The following IQGAP1 variants were observed in gnomAD, a reference collection of about 807,000 sequenced individuals.
IQGAP1 encodes the protein IQ motif containing GTPase activating protein 1.
IQGAP1 carries 66 observed loss-of-function variants against 215.6 expected under a neutral mutation model. That is an observed-to-expected ratio of 0.31 (90% CI 0.25 to 0.38). IQGAP1 has a LOEUF of 0.38. Among genes scored for constraint, IQGAP1 ranks in the 10% least tolerant of loss-of-function variants. The probability of loss-of-function intolerance (pLI) is 1.00; values close to 1 mark genes in which losing one functional copy is unlikely to be tolerated. For missense variants in IQGAP1, 1,712 were observed against 1,997.1 expected, an observed-to-expected ratio of 0.86 and a Z score of 2.72; for synonymous variants, 772 against 728.7, an observed-to-expected ratio of 1.06 and a Z score of -0.96.
In IQGAP1 at chr15:90,487,042, G is replaced by T; in HGVS notation, c.4113G>T (p.Val1371=). The T allele has an allele frequency of 1.2e-6, 2 of 1,614,128 alleles. No homozygotes were observed. The highest frequency in any genetic ancestry group is 1.7e-6 in the Non-Finnish European group (2 of 1,180,008). Residue 1371 remains valine (V), a synonymous_variant, in exon 32 of 38, where the codon GTG becomes GTT. Transcript: ENST00000268182. ...VSLTLTNKFD[V]PGDENAEMDA... is the part of the protein sequence containing the mutation. The stretch of plus-strand genomic sequence containing the variant: ...TCACCCTGACCAACAAGTTCGACGT[G>T]CCTGGAGATGAGAATGCAGAAATGG...
chr15:90,467,065 C>T (rs1965842940), intron 17 of IQGAP1, among the ~76,000 whole-genome samples: 1 of 151,976 alleles, frequency 6.6e-6, no homozygotes, highest in Admixed American at 6.6e-5. Context: ...GCATTCCAGC[C>T]TGGGCAACAG....
chr15:90,495,438 A>T (rs746985242), intron 36 of IQGAP1, among the ~76,000 whole-genome samples: 1 of 152,168 alleles, frequency 6.6e-6, no homozygotes, highest in Admixed American at 6.5e-5. Flanking sequence ...TTCTAAAATA[A>T]TATGTATTCG....
chr15:90,432,290 G>C (rs1003885708), intron 4 of IQGAP1, among the ~76,000 whole-genome samples: 1 of 152,060 alleles, frequency 6.6e-6, no homozygotes, highest in African/African-American at 2.4e-5. Context: ...GAGATACCTT[G>C]AACTTCTAAA....
intron 12 of IQGAP1, 22 bp from the exon 13 acceptor site, chr15:90,453,110 C>T (rs748479007): frequency 6.3e-7 from 1 of 1,586,018 alleles, no homozygotes; most frequent in South Asian, 1.2e-5. Flanking sequence ...CACTGTTTTC[C>T]CTTCTGTCCC....
chr15:90,426,070 C>G, intron 2 of IQGAP1, 40 bp from the exon 3 acceptor site: 1 of 1,564,622 alleles, frequency 6.4e-7, no homozygotes, highest in Non-Finnish European at 8.6e-7. Flanking sequence ...AAGTTCTGAC[C>G]TTCCCTTTCT....
chr15:90,426,737 A>G (rs964355324), intron 3 of IQGAP1, among the ~76,000 whole-genome samples: 3 of 151,804 alleles, frequency 2.0e-5, no homozygotes, highest in Non-Finnish European at 4.4e-5. Flanking sequence ...GGCGGATCAC[A>G]AGGTCAGGAG....
At chr15:90,422,355 T>G (rs1056080021) in intron 2 of IQGAP1, among the ~76,000 whole-genome samples, 1 of 152,132 alleles carries the variant, frequency 6.6e-6, no homozygotes. Context: ...AATGTTTATA[T>G]TTTTAATTTT....
At chr15:90,394,875 G>T (rs886749245) in intron 2 of IQGAP1, among the ~76,000 whole-genome samples, 2 of 152,186 alleles carry the variant, frequency 1.3e-5, no homozygotes, top group African/African-American at 4.8e-5. Context: ...TTTCTCCTCT[G>T]CCTGTAACAG....
chr15:90,415,704 A>G (rs565262768), intron 2 of IQGAP1, among the ~76,000 whole-genome samples: 5 of 152,130 alleles, frequency 3.3e-5, no homozygotes, highest in Non-Finnish European at 5.9e-5. Flanking sequence ...AATGGGGTCA[A>G]TTCTACCTTT....
chr15:90,483,221 G>A, intron 28 of IQGAP1, 140 bp from the exon 29 acceptor site: 1 of 622,856 alleles, frequency 1.6e-6, no homozygotes. Context: ...ATATGTGCAT[G>A]CATGCGTGTG....
rs1965637326 is a variant in IQGAP1, at chr15:90,453,520, C to T, written c.1487+228C>T. On this transcript the variant is annotated intron_variant, in intron 13 of 37. Coordinates refer to ENST00000268182, the MANE Select transcript of IQGAP1 (RefSeq NM_003870.4). Reference sequence around the variant, plus strand: ...TGTTACATAGTCAAAATAACACTATCTCTGACAAAGTTAAATAATACTTTT... The same window carrying T: ...TGTTACATAGTCAAAATAACACTATTTCTGACAAAGTTAAATAATACTTTT... Among the ~76,000 whole-genome samples, 5 of 152,320 alleles carry T rather than the reference C, an allele frequency of 3.3e-5. 1 individual carries two copies. In the South Asian group the frequency reaches 1.0e-3, roughly 32 times the overall value.
chr15:90,474,789 C>A, intron 23 of IQGAP1, 96 bp downstream of exon 23: 1 of 920,668 alleles, frequency 1.1e-6, no homozygotes, highest in South Asian at 1.4e-5. Context: ...TGGAGGCTGA[C>A]TTTCTCCTCA....
At chr15:90,422,369 G>C (rs895158271) in intron 2 of IQGAP1, among the ~76,000 whole-genome samples, 2 of 151,908 alleles carry the variant, frequency 1.3e-5, no homozygotes, top group Non-Finnish European at 2.9e-5. Flanking sequence ...TAATTTTGGA[G>C]TTGTACTTCT....
chr15:90,418,082 T>G (rs1432918429), intron 2 of IQGAP1, among the ~76,000 whole-genome samples: 1 of 152,212 alleles, frequency 6.6e-6, no homozygotes, highest in Non-Finnish European at 1.5e-5. Flanking sequence ...AAAGCATAAC[T>G]GTTACCAGAG....
At chr15:90,459,114 C>T (rs1965726974) in intron 15 of IQGAP1, among the ~76,000 whole-genome samples, 1 of 152,206 alleles carries the variant, frequency 6.6e-6, no homozygotes, top group Admixed American at 6.5e-5. Context: ...CCGCTTGCTG[C>T]CTCACTTCAG....
intron 25 of IQGAP1, 121 bp downstream of exon 25, chr15:90,477,351 T>C: frequency 1.2e-6 from 1 of 834,758 alleles, no homozygotes; most frequent in Non-Finnish European, 1.8e-6. Flanking sequence ...ATACTTACTC[T>C]AAAGAAGCAT....
Position 90,477,061 on chromosome 15 carries a change from T to C in IQGAP1, c.2941-6T>C. 1 of 1,613,804 alleles carries C rather than the reference T, an allele frequency of 6.2e-7. No individual in the cohort carries two copies. Among genetic ancestry groups the C allele is most frequent in the Non-Finnish European group, 8.5e-7 (1 of 1,179,852 alleles). On this transcript the variant is annotated splice_polypyrimidine_tract_variant and splice_region_variant and intron_variant, in intron 24 of 37. Coordinates refer to ENST00000268182, the MANE Select transcript of IQGAP1 (RefSeq NM_003870.4). ...ACAAATGACTTATCCCTTGGTTTTA[T>C]TTCAGACCAATCCCACCTATCTGGC... is the stretch of plus-strand genomic sequence containing the variant.
chr15:90,389,067 T>C (rs1159351425), intron 1 of IQGAP1, among the ~76,000 whole-genome samples: 3 of 152,176 alleles, frequency 2.0e-5, no homozygotes, highest in Non-Finnish European at 4.4e-5. Context: ...AGGTTTTCGG[T>C]TTTATTTTAT....
At chr15:90,396,149 A>C (rs1275196355) in intron 2 of IQGAP1, among the ~76,000 whole-genome samples, 1 of 152,192 alleles carries the variant, frequency 6.6e-6, no homozygotes, top group Non-Finnish European at 1.5e-5. Flanking sequence ...AGTTCTTGGG[A>C]ACAAAGTCTT....
Sources: gnomAD v4.1 joint callset for allele counts (sites outside exome capture counted in the v4.1 genomes callset) on GRCh38, gnomAD v4.1.1 for gene constraint, MANE v1.5 for transcripts, NCBI Gene and HGNC (gene_info 2026-07-23, HGNC 2026-07-21) for gene names.